Variants in KIF21A observed in about 807,000 individuals in gnomAD.
The protein encoded by KIF21A is kinesin-like protein KIF21A.
Under a neutral mutation model 202.9 loss-of-function variants are expected in KIF21A, and 114 were observed. That is an observed-to-expected ratio of 0.56 (90% confidence interval 0.48 to 0.66). KIF21A has a LOEUF of 0.66. KIF21A is among the 30% of genes least tolerant of loss of function. The probability of loss-of-function intolerance (pLI) is 0.00; values close to 1 mark genes in which losing one functional copy is unlikely to be tolerated. For missense variants in KIF21A, 1,677 were observed against 1,994.9 expected (o/e 0.84, Z 3.04); for synonymous variants, 667 against 670.8 (o/e 0.99, Z 0.09).
At chr12:39,371,181 G>A (rs1197194177) in intron 1 of KIF21A, among the ~76,000 whole-genome samples, 3 of 152,146 alleles carry the variant, frequency 2.0e-5, no homozygotes, top group Non-Finnish European at 4.4e-5. Context: ...TCAATCCACA[G>A]TCAGTTGAAT....
At chr12:39,335,453 A>T (rs1487835268) in intron 17 of KIF21A, among the ~76,000 whole-genome samples, 2 of 151,504 alleles carry the variant, frequency 1.3e-5, no homozygotes, top group Non-Finnish European at 2.9e-5. Context: ...AAAAGGCCAC[A>T]TCTGGTATGA....
chr12:39,350,914 C>A (rs1025423913), intron 11 of KIF21A, among the ~76,000 whole-genome samples: 1 of 152,050 alleles, frequency 6.6e-6, no homozygotes, highest in Non-Finnish European at 1.5e-5. Context: ...TACATCAATT[C>A]TACAAAGCAT....
intron 1 of KIF21A, among the ~76,000 whole-genome samples, chr12:39,378,874 C>A (rs1674802829): frequency 6.6e-6 from 1 of 152,072 alleles, no homozygotes; most frequent in South Asian, 2.1e-4. Flanking sequence ...GGAAAAACTG[C>A]ATACAGGAAA....
intron 1 of KIF21A, among the ~76,000 whole-genome samples, chr12:39,425,396 T>A (rs558573588): frequency 6.6e-6 from 1 of 152,296 alleles, no homozygotes; most frequent in South Asian, 2.1e-4. Flanking sequence ...AAAGTCTCCG[T>A]AAGAATAATC....
At chr12:39,377,791 A>T (rs1396389292) in intron 1 of KIF21A, among the ~76,000 whole-genome samples, 1 of 152,184 alleles carries the variant, frequency 6.6e-6, no homozygotes, top group African/African-American at 2.4e-5. Flanking sequence ...TGTTCCAGGG[A>T]CTAGGGAGTA....
chr12:39,425,932 T>TAAA (rs1016584377), intron 1 of KIF21A, among the ~76,000 whole-genome samples: 3 of 53,276 alleles, frequency 5.6e-5, no homozygotes, highest in Non-Finnish European at 8.1e-5. Flanking sequence ...GATTAGAAAC[T>TAAA]AAAAAAAAAA....
intron 10 of KIF21A, among the ~76,000 whole-genome samples, chr12:39,353,947 G>A (rs936975950): frequency 3.3e-5 from 5 of 152,128 alleles, no homozygotes; most frequent in South Asian, 2.1e-4. Flanking sequence ...AGTGAGGTAT[G>A]AGGGCAAGTG....
intron 1 of KIF21A, among the ~76,000 whole-genome samples, chr12:39,381,933 G>C (rs1210503392): frequency 6.6e-6 from 1 of 152,222 alleles, no homozygotes; most frequent in African/African-American, 2.4e-5. Context: ...CAGTTATGTT[G>C]TGAACTACTT....
At chr12:39,325,647 AT>A (rs922231369) in intron 26 of KIF21A, among the ~76,000 whole-genome samples, 191 bp downstream of exon 26, 3 of 151,722 alleles carry the variant, frequency 2.0e-5, no homozygotes, top group African/African-American at 7.3e-5. Flanking sequence ...GGCCAGAGAA[AT>A]TTTTTAATAT....
chr12:39,332,354 T>C lies in KIF21A; in HGVS notation c.2911A>G (p.Ile971Val), dbSNP rs144311378. ...TCTCCCTCTCCATTCTCCTTGACTA[T>C]CTTCTCCCTTCTTTTTGAAAGTTTC... ...REKLSKRREK[I>V]VKENGEGDKN... The change falls in exon 21 of 38, where the codon ATA (isoleucine) becomes GTA (valine). Residue 971 changes from isoleucine (I) to valine (V), a missense_variant. Ile to Val is a conservative substitution (Grantham distance 29, BLOSUM62 3). Transcript: ENST00000361418. 25 of 1,613,934 alleles carry C rather than the reference T, an allele frequency of 1.5e-5. No homozygotes were observed. In the African/African-American group the frequency reaches 2.3e-4, roughly 15 times the overall value.
At chr12:39,318,008 C>T (rs1592109399) in intron 29 of KIF21A, 65 bp downstream of exon 29, 2 of 1,504,018 alleles carry the variant, frequency 1.3e-6, no homozygotes, top group East Asian at 4.6e-5. Flanking sequence ...ATGTTTTCTA[C>T]AGACTGTATT....
intron 10 of KIF21A, among the ~76,000 whole-genome samples, chr12:39,352,688 C>G (rs942949426): frequency 6.6e-6 from 1 of 152,122 alleles, no homozygotes; most frequent in African/African-American, 2.4e-5. Flanking sequence ...AAATCTGCCC[C>G]AAACTGGCTG....
intron 31 of KIF21A, chr12:39,312,539 CAA>C (rs1268585289): frequency 6.6e-6 from 1 of 151,946 alleles, no homozygotes; most frequent in African/African-American, 2.4e-5. Context: ...GTTTGCAACA[CAA>C]AGGATAATTG....
At chr12:39,434,227 A>T (rs769962986) in intron 1 of KIF21A, among the ~76,000 whole-genome samples, 23 of 152,212 alleles carry the variant, frequency 1.5e-4, no homozygotes, top group Middle Eastern at 3.2e-3. Context: ...GAGAGCATGC[A>T]CAAGAGAACA....
At chr12:39,363,284 A>T in intron 6 of KIF21A, 71 bp from the exon 7 acceptor site, 1 of 877,786 alleles carries the variant, frequency 1.1e-6, no homozygotes, top group South Asian at 1.4e-5. Flanking sequence ...AAATAAAGAA[A>T]GTTTACAGAG....
At chr12:39,431,669 C>T (rs1257159375) in intron 1 of KIF21A, among the ~76,000 whole-genome samples, 2 of 152,040 alleles carry the variant, frequency 1.3e-5, no homozygotes, top group African/African-American at 4.8e-5. Context: ...GGCAGCCTGA[C>T]GTTATAGAAC....
intron 1 of KIF21A, among the ~76,000 whole-genome samples, chr12:39,437,135 T>C (rs934328263): frequency 2.6e-5 from 4 of 152,210 alleles, no homozygotes; most frequent in Non-Finnish European, 5.9e-5. Flanking sequence ...TTGATGAGAA[T>C]TGGAAGATTG....
At chr12:39,323,540 G>C (rs989783765) in intron 26 of KIF21A, among the ~76,000 whole-genome samples, 3 of 152,092 alleles carry the variant, frequency 2.0e-5, no homozygotes, top group African/African-American at 7.2e-5. Context: ...GCAGCCTTCT[G>C]AGGCAAGTAA....
intron 26 of KIF21A, among the ~76,000 whole-genome samples, chr12:39,324,144 G>A (rs1592146960): frequency 6.6e-6 from 1 of 152,054 alleles, no homozygotes; most frequent in African/African-American, 2.4e-5. Context: ...ATCCTTTTCA[G>A]GCATCTTAGC....
Sources: allele counts gnomAD v4.1 joint callset (sites outside exome capture counted in the v4.1 genomes callset), GRCh38; gene constraint gnomAD v4.1.1; transcripts MANE v1.5; gene names NCBI Gene and HGNC (gene_info 2026-07-23, HGNC 2026-07-21).